PRKN: variants seen among roughly 807,000 people sequenced by gnomAD.
PRKN encodes parkin RBR E3 ubiquitin protein ligase.
A neutral mutation model predicts 59.5 loss-of-function variants in PRKN; 56 were observed. The ratio of observed to expected loss-of-function variants is 0.94; its 90% CI spans 0.76 to 1.18. The LOEUF (loss-of-function observed/expected upper bound fraction) is 1.18. Among genes scored for constraint, PRKN ranks in the 50% most tolerant of loss-of-function variants. The probability of loss-of-function intolerance (pLI) is 0.00; values close to 1 mark genes in which losing one functional copy is unlikely to be tolerated. For missense variants in PRKN, 657 were observed against 596.4 expected, an observed-to-expected ratio of 1.10 and a Z score of -1.06; for synonymous variants, 250 against 222.1, an observed-to-expected ratio of 1.13 and a Z score of -1.12.
At chr6:161,740,849 C>A (rs959730168) in intron 7 of PRKN, among the ~76,000 whole-genome samples, 10 of 152,122 alleles carry the variant, frequency 6.6e-5, no homozygotes, top group African/African-American at 2.4e-4. Context: ...ACAGTAGGCC[C>A]GTGTGGTGGA....
intron 3 of PRKN, among the ~76,000 whole-genome samples, chr6:162,204,958 G>A (rs1169457677): frequency 6.6e-6 from 1 of 151,766 alleles, no homozygotes; most frequent in Non-Finnish European, 1.5e-5. Context: ...CTCCTCTTGG[G>A]TTCAAGTGAT....
intron 2 of PRKN, among the ~76,000 whole-genome samples, chr6:162,436,586 G>A (rs1247624089): frequency 2.0e-5 from 3 of 150,322 alleles, no homozygotes; most frequent in South Asian, 2.1e-4. Flanking sequence ...CTGGGATTAC[G>A]GGCATGAGCC....
chr6:162,290,929 T>C (rs548798318), intron 2 of PRKN, among the ~76,000 whole-genome samples: 1 of 152,318 alleles, frequency 6.6e-6, no homozygotes, highest in South Asian at 2.1e-4. Context: ...AGTGCTCACT[T>C]TCATAGCTTC....
intron 6 of PRKN, among the ~76,000 whole-genome samples, chr6:161,912,074 A>G (rs1160829915): frequency 6.6e-6 from 1 of 151,506 alleles, no homozygotes; most frequent in Non-Finnish European, 1.5e-5. Context: ...ACTACTTGGG[A>G]GGCTGAGGCA....
At chr6:161,927,180 T>C (rs1779001137) in intron 6 of PRKN, among the ~76,000 whole-genome samples, 1 of 152,224 alleles carries the variant, frequency 6.6e-6, no homozygotes, top group Non-Finnish European at 1.5e-5. Context: ...CCTTCCTTAG[T>C]AATCTTTTTA....
chr6:161,978,084 T>C (rs1244821952), intron 5 of PRKN, among the ~76,000 whole-genome samples: 1 of 151,804 alleles, frequency 6.6e-6, no homozygotes, highest in African/African-American at 2.4e-5. Context: ...AGTTTTGCTC[T>C]TTTTGCCCAA....
intron 1 of PRKN, among the ~76,000 whole-genome samples, chr6:162,457,714 T>G (rs1488796199): frequency 2.6e-5 from 4 of 152,090 alleles, no homozygotes; most frequent in African/African-American, 9.7e-5. Flanking sequence ...GTAATGAGTG[T>G]GTTGTGTTTG....
At chr6:162,477,940 G>A (rs143780169) in intron 1 of PRKN, among the ~76,000 whole-genome samples, 29 of 152,074 alleles carry the variant, frequency 1.9e-4, no homozygotes, top group African/African-American at 6.7e-4. Context: ...CCTGTTTCCC[G>A]GCTTCTGCAA....
intron 4 of PRKN, among the ~76,000 whole-genome samples, chr6:162,183,179 T>C (rs1023301011): frequency 6.6e-6 from 1 of 152,190 alleles, no homozygotes; most frequent in Non-Finnish European, 1.5e-5. Context: ...CAATGTGTTC[T>C]CACATTGAGA....
chr6:161,807,347 GC>G (rs1192765505), intron 6 of PRKN, among the ~76,000 whole-genome samples: 1 of 152,062 alleles, frequency 6.6e-6, no homozygotes, highest in East Asian at 1.9e-4. Context: ...ACATACACAT[GC>G]ATATACACAA....
chr6:161,943,915 A>G (rs1337027084), intron 6 of PRKN, among the ~76,000 whole-genome samples: 1 of 147,204 alleles, frequency 6.8e-6, no homozygotes. Flanking sequence ...CTGAGGGATC[A>G]GCCTTGAGGA....
chr6:162,512,684 A>T (rs1777682171), intron 1 of PRKN, among the ~76,000 whole-genome samples: 1 of 152,216 alleles, frequency 6.6e-6, no homozygotes, highest in South Asian at 2.1e-4. Flanking sequence ...TGATCTAAGT[A>T]TGACTGGCTG....
chr6:161,802,156 A>C (rs1791109524), intron 6 of PRKN, among the ~76,000 whole-genome samples: 1 of 152,118 alleles, frequency 6.6e-6, no homozygotes, highest in Non-Finnish European at 1.5e-5. Flanking sequence ...ATTATTCTCC[A>C]AACAGCAACC....
intron 6 of PRKN, among the ~76,000 whole-genome samples, chr6:161,885,130 A>C (rs1795085341): frequency 7.0e-6 from 1 of 142,564 alleles, no homozygotes; most frequent in Non-Finnish European, 1.5e-5. Context: ...AGAAAGAAGA[A>C]AAACTAAAAA....
At chr6:162,059,826 A>G (rs1180074040) in intron 4 of PRKN, among the ~76,000 whole-genome samples, 6 of 152,222 alleles carry the variant, frequency 3.9e-5, no homozygotes, top group South Asian at 4.1e-4. Context: ...TGAGGAAACC[A>G]TGGGCTGCTG....
chr6:162,312,854 C>T (rs1782579290), intron 2 of PRKN, among the ~76,000 whole-genome samples: 1 of 152,060 alleles, frequency 6.6e-6, no homozygotes, highest in Non-Finnish European at 1.5e-5. Context: ...GAGTTTAGAA[C>T]ATTCAGGTTA....
Position 161,435,480 on chromosome 6 carries a change from G to C in PRKN, c.1084-48603C>G, listed in dbSNP as rs1342398202. On this transcript the variant is annotated intron_variant, in intron 9 of 11. Coordinates refer to ENST00000366898, the MANE Select transcript of PRKN (RefSeq NM_004562.3). ...CAGAGAGCTTTACAAATATTCATAT[G>C]AGCTTTATGAATATTTACAAATATT... Among the ~76,000 whole-genome samples the C allele has an allele frequency of 3.3e-5, 5 of 152,018 alleles. No individual in the cohort carries two copies. The East Asian group carries it at 9.7e-4, about 30-fold the overall frequency.
chr6:162,300,104 T>C (rs892701116), intron 2 of PRKN, among the ~76,000 whole-genome samples: 1 of 152,158 alleles, frequency 6.6e-6, no homozygotes, highest in Non-Finnish European at 1.5e-5. Context: ...CTGCAAATGA[T>C]TTATGAAACT....
intron 4 of PRKN, among the ~76,000 whole-genome samples, chr6:162,126,029 T>C (rs1345006864): frequency 6.6e-6 from 1 of 152,196 alleles, no homozygotes; most frequent in Non-Finnish European, 1.5e-5. Context: ...TTCTGTAGAT[T>C]ATGATGTCTA....
Sources: allele counts gnomAD v4.1 joint callset (sites outside exome capture counted in the v4.1 genomes callset), GRCh38; gene constraint gnomAD v4.1.1; transcripts MANE v1.5; gene names NCBI Gene and HGNC (gene_info 2026-07-23, HGNC 2026-07-21).